Variants in PEPD observed in about 807,000 individuals in gnomAD.
The protein encoded by PEPD is xaa-Pro dipeptidase.
In PEPD, 53 loss-of-function variants were observed where a neutral mutation model predicts 60.7. That is an observed-to-expected ratio of 0.87 (90% CI 0.70 to 1.10). The LOEUF is 1.10. PEPD is among the 50% of genes least tolerant of loss of function. The probability of loss-of-function intolerance (pLI) is 0.00; values close to 1 mark genes in which losing one functional copy is unlikely to be tolerated. For missense variants in PEPD, 711 were observed against 711.9 expected (o/e 1.00, Z 0.01); for synonymous variants, 267 against 284.1 (o/e 0.94, Z 0.60).
At chr19:33,391,244 C>T (rs1008915130) in intron 13 of PEPD, 51 bp downstream of exon 13, 22 of 1,473,592 alleles carry the variant, frequency 1.5e-5, no homozygotes, top group Non-Finnish European at 1.7e-5. Flanking sequence ...GGGGGTCAGG[C>T]TCAGCGGCAG....
chr19:33,451,936 C>T (rs1969708235), intron 9 of PEPD, among the ~76,000 whole-genome samples: 1 of 152,160 alleles, frequency 6.6e-6, no homozygotes, highest in African/African-American at 2.4e-5. Flanking sequence ...ATAAAACCAT[C>T]TCTCTAAATC....
intron 1 of PEPD, among the ~76,000 whole-genome samples, chr19:33,520,064 C>CA (rs74174670): frequency 0.14 from 19,177 of 134,418 alleles, 1,624 homozygotes; most frequent in Non-Finnish European, 0.21. Context: ...AACTACGTCT[C>CA]AAAAAAAAAA....
At chr19:33,405,837 T>C (rs1968608203) in intron 11 of PEPD, among the ~76,000 whole-genome samples, 1 of 152,142 alleles carries the variant, frequency 6.6e-6, no homozygotes, top group Admixed American at 6.5e-5. Flanking sequence ...CTCCAGGGCC[T>C]CGGCAGACAG....
chr19:33,426,902 G>A (rs1310822628), intron 9 of PEPD, among the ~76,000 whole-genome samples: 4 of 152,216 alleles, frequency 2.6e-5, no homozygotes, highest in Non-Finnish European at 5.9e-5. Flanking sequence ...GCCATGGAGG[G>A]AGGCCCAGAC....
chr19:33,476,368 A>C (rs1338081178), intron 7 of PEPD, among the ~76,000 whole-genome samples: 6 of 152,174 alleles, frequency 3.9e-5, no homozygotes, highest in African/African-American at 1.2e-4. Context: ...ACACACCCCA[A>C]GTCCCAGATC....
chr19:33,441,696 C>A (rs145149022), intron 9 of PEPD, among the ~76,000 whole-genome samples: 11 of 152,162 alleles, frequency 7.2e-5, no homozygotes, highest in Non-Finnish European at 1.5e-4. Flanking sequence ...TGGCTGAGGC[C>A]GACCTTGACC....
At chr19:33,410,325 C>G (rs995622772) in intron 11 of PEPD, among the ~76,000 whole-genome samples, 8 of 152,258 alleles carry the variant, frequency 5.3e-5, no homozygotes, top group African/African-American at 1.4e-4. Context: ...GGAGCCCGGG[C>G]AGTCTCAGTA....
At chr19:33,438,585 T>C (rs1312066666) in intron 9 of PEPD, among the ~76,000 whole-genome samples, 1 of 152,232 alleles carries the variant, frequency 6.6e-6, no homozygotes, top group African/African-American at 2.4e-5. Context: ...GGCAGGGTTC[T>C]GCTGGAAGCC....
chr19:33,442,609 T>G (rs1423442747), intron 9 of PEPD, among the ~76,000 whole-genome samples: 1 of 151,586 alleles, frequency 6.6e-6, no homozygotes, highest in African/African-American at 2.4e-5. Flanking sequence ...CTCGGGAGGC[T>G]GAGGCAGGAG....
chr19:33,444,630 A>C (rs1969556919), intron 9 of PEPD, among the ~76,000 whole-genome samples: 1 of 147,628 alleles, frequency 6.8e-6, no homozygotes, highest in Non-Finnish European at 1.5e-5. Flanking sequence ...GGCCAAGCCT[A>C]CCAGTCTGCC....
intron 4 of PEPD, among the ~76,000 whole-genome samples, chr19:33,493,903 C>T (rs1970547230): frequency 6.6e-6 from 1 of 152,234 alleles, no homozygotes; most frequent in South Asian, 2.1e-4. Flanking sequence ...CTTCCCGGCC[C>T]AAGCCCTTGC....
intron 7 of PEPD, among the ~76,000 whole-genome samples, chr19:33,467,558 A>G (rs1375170013): frequency 6.6e-6 from 1 of 152,210 alleles, no homozygotes; most frequent in African/African-American, 2.4e-5. Flanking sequence ...GATGGGGTGG[A>G]AAGTTCACGG....
At chr19:33,487,688 G>A (rs1444138676) in intron 6 of PEPD, among the ~76,000 whole-genome samples, 1 of 152,176 alleles carries the variant, frequency 6.6e-6, no homozygotes, top group Non-Finnish European at 1.5e-5. Flanking sequence ...AGATTGGAGA[G>A]GTACCAGCCC....
chr19:33,510,368 T>C (rs951442370), intron 3 of PEPD, among the ~76,000 whole-genome samples: 1 of 151,834 alleles, frequency 6.6e-6, no homozygotes, highest in Non-Finnish European at 1.5e-5. Context: ...GGAGGGGGGC[T>C]CCAAAGCCAA....
chr19:33,396,511 C>T (rs1402520751), intron 12 of PEPD, among the ~76,000 whole-genome samples: 3 of 152,216 alleles, frequency 2.0e-5, no homozygotes, highest in African/African-American at 4.8e-5. Flanking sequence ...GCAGCACCCC[C>T]GTCACTCACA....
At chr19:33,419,115 T>TC (rs1362478284) in intron 9 of PEPD, among the ~76,000 whole-genome samples, 1 of 152,100 alleles carries the variant, frequency 6.6e-6, no homozygotes, top group East Asian at 1.9e-4. Context: ...GGCAACACCT[T>TC]CCCACCAGGG....
intron 3 of PEPD, among the ~76,000 whole-genome samples, chr19:33,507,922 G>A (rs1970844620): frequency 6.6e-6 from 1 of 152,114 alleles, no homozygotes; most frequent in Non-Finnish European, 1.5e-5. Context: ...CAGGACAGCA[G>A]GACACAAGGC....
At chr19:33,476,911 C>G (rs779879812) in intron 7 of PEPD, among the ~76,000 whole-genome samples, 1 of 152,120 alleles carries the variant, frequency 6.6e-6, no homozygotes, top group Non-Finnish European at 1.5e-5. Context: ...GATCCACCCA[C>G]CTCGGCCTCC....
intron 3 of PEPD, among the ~76,000 whole-genome samples, chr19:33,507,831 C>T (rs1426958406): frequency 6.6e-6 from 1 of 152,140 alleles, no homozygotes; most frequent in East Asian, 1.9e-4. Context: ...CTCCTGAGGG[C>T]TCAGGATGTG....
Sources: allele counts gnomAD v4.1 joint callset (sites outside exome capture counted in the v4.1 genomes callset), GRCh38; gene constraint gnomAD v4.1.1; transcripts MANE v1.5; gene names NCBI Gene and HGNC (gene_info 2026-07-23, HGNC 2026-07-21).